Variants in SMG5 observed in about 807,000 individuals in gnomAD.
SMG5 encodes SMG5 nonsense mediated mRNA decay factor, also known as nonsense-mediated mRNA decay factor SMG5.
Under a neutral mutation model 122.9 loss-of-function variants are expected in SMG5, and 53 were observed. The ratio of observed to expected loss-of-function variants is 0.43; its 90% CI spans 0.35 to 0.54. The LOEUF (loss-of-function observed/expected upper bound fraction) is 0.54. SMG5 is among the 20% of genes least tolerant of loss of function. The pLI, the probability that SMG5 is intolerant of heterozygous loss-of-function variation, is 0.01. For missense variants in SMG5, 1,153 were observed against 1,285.6 expected (o/e 0.90, Z 1.58); for synonymous variants, 477 against 490.2 (o/e 0.97, Z 0.35).
At chr1:156,282,914 T>C (rs1158757635), upstream of SMG5, 9 of 544,846 alleles carry the variant, frequency 1.7e-5, no homozygotes, top group Non-Finnish European at 2.6e-5. Context: ...CGAAACTCGT[T>C]TTCCCTCCCG....
At chr1:156,265,406 G>A (rs1295014611) in intron 12 of SMG5, among the ~76,000 whole-genome samples, 1 of 152,146 alleles carries the variant, frequency 6.6e-6, no homozygotes, top group Non-Finnish European at 1.5e-5. Context: ...CCTCAGGAGA[G>A]AAGTCTCACT....
Position 156,259,288 on chromosome 1 carries a change from C to A in SMG5, c.2284-125G>T, listed in dbSNP as rs980065785. ...GCCCAGCCACCTCAGCCAACAAGGGCTCCAGGGGAAGATTTGTGGTCTATG... is the reference window on the plus strand; with the variant it reads ...GCCCAGCCACCTCAGCCAACAAGGGATCCAGGGGAAGATTTGTGGTCTATG... On this transcript the variant is annotated intron_variant, in intron 15 of 21. Transcript: ENST00000361813. 5.9e-6 allele frequency: 6 copies of A among 1,013,968 alleles called. No homozygotes were observed. The Admixed American group carries it at 2.1e-4, about 36-fold the overall frequency. 62.8% of individuals were successfully genotyped at this position (1,013,968 alleles called of 1,614,324 possible). A position where few individuals can be genotyped will look rare whatever the true frequency, so the allele number is the denominator to read the frequency against.
At chr1:156,256,015 A>G (rs893556500) in intron 16 of SMG5, among the ~76,000 whole-genome samples, 3 of 152,246 alleles carry the variant, frequency 2.0e-5, no homozygotes, top group African/African-American at 7.2e-5. Context: ...CACATCAGGA[A>G]AGAAAAGGAA....
chr1:156,270,740 G>A lies in SMG5; in HGVS notation c.713+1580C>T, dbSNP rs764435370. On this transcript the variant is annotated intron_variant, in intron 7 of 21. Coordinates refer to ENST00000361813, the MANE Select transcript of SMG5 (RefSeq NM_015327.3). The stretch of plus-strand genomic sequence containing the variant: ...GGGAAAGATACAGCCGGGCACGGTG[G>A]CTCACGCCTGTAATCCCAACACTTT... 5.3e-5 allele frequency among the ~76,000 whole-genome samples: 8 copies of A among 152,228 alleles called. 1 individual carries two copies. In the East Asian group the frequency reaches 5.8e-4, roughly 11 times the overall value.
chr1:156,262,477 GAAAA>G (rs1229479162), intron 13 of SMG5, among the ~76,000 whole-genome samples: 1 of 67,004 alleles, frequency 1.5e-5, no homozygotes, highest in Non-Finnish European at 3.0e-5. Context: ...CTCCATCTCA[GAAAA>G]AAAAAAAAAA....
At chr1:156,259,589 G>A (rs1428031884) in intron 15 of SMG5, among the ~76,000 whole-genome samples, 1 of 152,068 alleles carries the variant, frequency 6.6e-6, no homozygotes, top group Non-Finnish European at 1.5e-5. Context: ...GAGTGCAGTG[G>A]TGTGATTACA....
chr1:156,279,192 T>A (rs1337433666), intron 1 of SMG5, among the ~76,000 whole-genome samples, 158 bp from the exon 2 acceptor site: 1 of 151,818 alleles, frequency 6.6e-6, no homozygotes, highest in African/African-American at 2.4e-5. Flanking sequence ...ATGAACACAG[T>A]CTCCATCTTG....
intron 4 of SMG5, among the ~76,000 whole-genome samples, chr1:156,275,466 C>G (rs1662640299): frequency 6.9e-6 from 1 of 145,188 alleles, no homozygotes; most frequent in Admixed American, 6.6e-5. Flanking sequence ...TCACAGCAAC[C>G]CTATGAGGTT....
intron 7 of SMG5, among the ~76,000 whole-genome samples, chr1:156,268,702 C>T (rs1445954297): frequency 6.6e-6 from 1 of 152,198 alleles, no homozygotes; most frequent in Non-Finnish European, 1.5e-5. Flanking sequence ...CCCTGAAATA[C>T]ACTATCCTTC....
intron 16 of SMG5, among the ~76,000 whole-genome samples, chr1:156,254,001 C>T (rs191626657): frequency 0.016 from 2,504 of 152,346 alleles, 32 homozygotes; most frequent in Middle Eastern, 0.031. Flanking sequence ...GAACCTGCGT[C>T]TCTTCCTCTA....
intron 1 of SMG5, 48 bp from the exon 2 acceptor site, chr1:156,279,082 A>G: frequency 6.8e-7 from 1 of 1,475,458 alleles, no homozygotes. Context: ...TGCATGGTCC[A>G]CAGAGGATGA....
At chr1:156,251,906 AG>A (rs1661373036) in intron 19 of SMG5, among the ~76,000 whole-genome samples, 1 of 152,224 alleles carries the variant, frequency 6.6e-6, no homozygotes, top group African/African-American at 2.4e-5. Flanking sequence ...CCAGAAGGGC[AG>A]GCCTGTACCG....
upstream of SMG5, chr1:156,284,490 T>C (rs1663089655): frequency 6.6e-6 from 1 of 151,946 alleles, no homozygotes; most frequent in Non-Finnish European, 1.5e-5. Flanking sequence ...CCAGAAGCAA[T>C]GAGATGGAGG....
rs1041819178 is a variant in SMG5, at chr1:156,261,349, A to G, written c.2091T>C (p.Gly697=). 1.2e-6 allele frequency: 2 copies of G among 1,614,170 alleles called. No homozygotes were observed. Among genetic ancestry groups the G allele is most frequent in the African/African-American group, 2.7e-5 (2 of 75,036 alleles). ...CCCACTCACCAGACTCCTGGAGTTCACCAGCAGCAGGCAACAGATTCAGCA... is the reference window on the plus strand; with the variant it reads ...CCCACTCACCAGACTCCTGGAGTTCGCCAGCAGCAGGCAACAGATTCAGCA... ...SVLLNLLPAA[G]ELQESGLALC... Residue 697 remains glycine, a synonymous_variant, in exon 14 of 22, where the codon GGT becomes GGC. Transcript: ENST00000361813.
chr1:156,279,765 T>C (rs187499767), intron 1 of SMG5, among the ~76,000 whole-genome samples: 1 of 152,270 alleles, frequency 6.6e-6, no homozygotes, highest in East Asian at 1.9e-4. Context: ...GATGGGGAAG[T>C]AGAGGGAGCT....
chr1:156,256,696 C>A (rs952707386), intron 16 of SMG5, among the ~76,000 whole-genome samples: 1 of 152,020 alleles, frequency 6.6e-6, no homozygotes, highest in African/African-American at 2.4e-5. Context: ...TAGGCCTACG[C>A]GTTCCTCAGA....
At chr1:156,251,195 G>T (rs939613082) in intron 20 of SMG5, 199 bp from the exon 21 acceptor site, 6 of 886,716 alleles carry the variant, frequency 6.8e-6, no homozygotes, top group Non-Finnish European at 1.1e-5. Context: ...AGCATCGCAA[G>T]GCCCAAAGAG....
At chr1:156,251,521 G>T (rs1345243700) in intron 19 of SMG5, 44 bp from the exon 20 acceptor site, 1 of 1,599,104 alleles carries the variant, frequency 6.3e-7, no homozygotes, top group Non-Finnish European at 8.6e-7. Flanking sequence ...CAGGAGACTG[G>T]CAGGGTGCCT....
chr1:156,258,705 A>G (rs1321066827), intron 16 of SMG5, among the ~76,000 whole-genome samples: 1 of 152,082 alleles, frequency 6.6e-6, no homozygotes, highest in Non-Finnish European at 1.5e-5. Flanking sequence ...CTGAGGCAGG[A>G]GAATCACTTG....
Sources: allele counts gnomAD v4.1 joint callset (sites outside exome capture counted in the v4.1 genomes callset), GRCh38; gene constraint gnomAD v4.1.1; transcripts MANE v1.5; gene names NCBI Gene and HGNC (gene_info 2026-07-23, HGNC 2026-07-21).